The following PABPC4L variants were observed in gnomAD, a reference collection of about 807,000 sequenced individuals.
PABPC4L encodes the protein poly(A) binding protein cytoplasmic 4 like.
For synonymous variants in PABPC4L, 169 were observed against 164.1 expected (o/e 1.03, Z -0.23); for missense variants, 452 against 451.4 (o/e 1.00, Z -0.01).
the PABPC4L span, among the ~76,000 whole-genome samples, chr4:133,982,348 T>G: frequency 1.3e-5 from 2 of 151,978 alleles, no homozygotes; most frequent in African/African-American, 4.8e-5. Context: ...ACCTTAACCT[T>G]TAGTTAAACA....
chr4:134,174,292 A>T, the PABPC4L span, among the ~76,000 whole-genome samples: 1 of 151,020 alleles, frequency 6.6e-6, no homozygotes, highest in African/African-American at 2.4e-5. Flanking sequence ...AGTTACCTTT[A>T]AAAAAAAATA....
chr4:134,013,100 G>A, the PABPC4L span, among the ~76,000 whole-genome samples: 2 of 151,908 alleles, frequency 1.3e-5, no homozygotes, highest in Non-Finnish European at 2.9e-5. Context: ...CTTGGGGAGA[G>A]GCAAGAACCC....
chr4:133,994,930 C>T, the PABPC4L span, among the ~76,000 whole-genome samples: 7 of 152,126 alleles, frequency 4.6e-5, no homozygotes, highest in African/African-American at 1.7e-4. Flanking sequence ...AGGCAGTGGG[C>T]CCCAGATCCC....
the PABPC4L span, among the ~76,000 whole-genome samples, chr4:134,142,388 T>G: frequency 6.6e-6 from 1 of 151,644 alleles, no homozygotes; most frequent in African/African-American, 2.4e-5. Context: ...TAGTCGAACC[T>G]TCTTATAAAT....
the PABPC4L span, among the ~76,000 whole-genome samples, chr4:134,057,719 G>T: frequency 6.6e-6 from 1 of 152,008 alleles, no homozygotes; most frequent in Admixed American, 6.6e-5. Flanking sequence ...GGCTTCTTTA[G>T]CTCCAAGCTG....
At chr4:134,043,043 G>A in the PABPC4L span, among the ~76,000 whole-genome samples, 1 of 151,982 alleles carries the variant, frequency 6.6e-6, no homozygotes, top group African/African-American at 2.4e-5. Context: ...TGGGATTCTA[G>A]AATTTCTGTA....
chr4:134,130,178 A>C, the PABPC4L span, among the ~76,000 whole-genome samples: 1 of 151,976 alleles, frequency 6.6e-6, no homozygotes, highest in East Asian at 1.9e-4. Context: ...GAAGAAAAGA[A>C]ATAACCAGGA....
At chr4:134,056,135 C>T in the PABPC4L span, among the ~76,000 whole-genome samples, 332 of 151,810 alleles carry the variant, frequency 2.2e-3, 1 homozygote, top group African/African-American at 7.5e-3. Context: ...ATATTTATAT[C>T]GGCCTTTTCT....
the PABPC4L span, among the ~76,000 whole-genome samples, chr4:134,085,674 A>G: frequency 2.6e-5 from 4 of 152,138 alleles, no homozygotes; most frequent in African/African-American, 9.7e-5. Context: ...ACCATGTGGC[A>G]TGCTTTGTTT....
chr4:133,993,470 A>G, the PABPC4L span, among the ~76,000 whole-genome samples: 2 of 152,186 alleles, frequency 1.3e-5, no homozygotes, highest in Admixed American at 6.5e-5. Flanking sequence ...CTCTCCAGGA[A>G]GAGCATAAGC....
the PABPC4L span, among the ~76,000 whole-genome samples, chr4:133,948,700 A>G: frequency 6.6e-6 from 1 of 152,210 alleles, no homozygotes; most frequent in Non-Finnish European, 1.5e-5. Context: ...TCGAATTGGT[A>G]TTCCATCCTA....
At chr4:134,106,629 G>A in the PABPC4L span, among the ~76,000 whole-genome samples, 2 of 151,488 alleles carry the variant, frequency 1.3e-5, no homozygotes, top group Non-Finnish European at 3.0e-5. Flanking sequence ...ATAGCCATAG[G>A]TAATTAATAG....
intron 1 of PABPC4L, 47 bp from the exon 2 acceptor site, chr4:134,201,292 C>G: frequency 7.1e-7 from 1 of 1,410,608 alleles, no homozygotes; most frequent in Non-Finnish European, 9.4e-7. Context: ...GTTCCTTCCC[C>G]TCAGATTTGT....
At chr4:134,023,876 T>C in the PABPC4L span, among the ~76,000 whole-genome samples, 1 of 152,134 alleles carries the variant, frequency 6.6e-6, no homozygotes, top group East Asian at 1.9e-4. Context: ...TTATATTTTA[T>C]TTGGAATAAG....
chr4:134,032,921 T>A, the PABPC4L span, among the ~76,000 whole-genome samples: 4 of 151,724 alleles, frequency 2.6e-5, no homozygotes, highest in African/African-American at 4.8e-5. Context: ...AATGAACAAA[T>A]ACTGACTGGT....
the PABPC4L span, among the ~76,000 whole-genome samples, chr4:134,156,333 G>T: frequency 1.3e-5 from 2 of 151,830 alleles, no homozygotes; most frequent in African/African-American, 2.4e-5. Context: ...AACAGTAATT[G>T]CATAAGGGAA....
At chr4:134,005,813 G>A in the PABPC4L span, among the ~76,000 whole-genome samples, 69 of 151,754 alleles carry the variant, frequency 4.5e-4, no homozygotes, top group African/African-American at 1.6e-3. Context: ...GCTTCTCAGA[G>A]AAAGTGACAT....
chr4:134,012,097 G>A, the PABPC4L span, among the ~76,000 whole-genome samples: 1 of 151,966 alleles, frequency 6.6e-6, no homozygotes, highest in African/African-American at 2.4e-5. Flanking sequence ...GGTTTGAAAT[G>A]CTGGTTTCAA....
the PABPC4L span, among the ~76,000 whole-genome samples, chr4:133,968,420 A>G: frequency 6.6e-6 from 1 of 152,332 alleles, no homozygotes; most frequent in East Asian, 1.9e-4. Context: ...TGGAGCTAAT[A>G]AAATTGGAGT....
Sources: gnomAD v4.1 joint callset for allele counts (sites outside exome capture counted in the v4.1 genomes callset) on GRCh38, gnomAD v4.1.1 for gene constraint, MANE v1.5 for transcripts, NCBI Gene and HGNC (gene_info 2026-07-23, HGNC 2026-07-21) for gene names.